Variants in SEC22C observed in about 807,000 individuals in gnomAD.
SEC22C encodes the protein SEC22 homolog C, vesicle trafficking protein, also known as vesicle-trafficking protein SEC22c.
Under a neutral mutation model 34.7 loss-of-function variants are expected in SEC22C, and 29 were observed. The observed-to-expected ratio is 0.84, with a 90% CI of 0.62 to 1.14. The LOEUF is 1.14. SEC22C is among the 50% of genes most tolerant of loss of function. SEC22C has a pLI of 0.00. For missense variants in SEC22C, 337 were observed against 369.0 expected (o/e 0.91, Z 0.71); for synonymous variants, 117 against 132.8 (o/e 0.88, Z 0.82).
intron 2 of SEC22C, 44 bp downstream of exon 2, chr3:42,568,821 C>T (rs758213109): frequency 6.4e-7 from 1 of 1,555,024 alleles, no homozygotes; most frequent in Non-Finnish European, 8.9e-7. Context: ...TAAAAGTAAT[C>T]CAAATTTTGC....
At chr3:42,569,941 A>C (rs1703509173) in intron 1 of SEC22C, among the ~76,000 whole-genome samples, 2 of 152,200 alleles carry the variant, frequency 1.3e-5, no homozygotes, top group South Asian at 4.1e-4. Context: ...TAACCTGTAC[A>C]TCTGTGAGTG....
intron 1 of SEC22C, among the ~76,000 whole-genome samples, chr3:42,587,088 T>C (rs969890409): frequency 6.6e-5 from 10 of 152,236 alleles, no homozygotes; most frequent in Non-Finnish European, 1.0e-4. Context: ...GCTCCCACTA[T>C]CTCTGGCCTG....
At chr3:42,564,907 G>A (rs903385480) in intron 2 of SEC22C, among the ~76,000 whole-genome samples, 23 of 152,112 alleles carry the variant, frequency 1.5e-4, no homozygotes, top group Admixed American at 2.0e-4. Context: ...ACAGGCGTGT[G>A]CCACCACACC....
At chr3:42,568,482 C>T (rs1162367325) in intron 2 of SEC22C, among the ~76,000 whole-genome samples, 1 of 151,920 alleles carries the variant, frequency 6.6e-6, no homozygotes, top group Admixed American at 6.6e-5. Flanking sequence ...CCCATCTCTA[C>T]TAAAAATATA....
At chr3:42,579,262 A>G (rs1704159107) in intron 1 of SEC22C, among the ~76,000 whole-genome samples, 1 of 146,588 alleles carries the variant, frequency 6.8e-6, no homozygotes, top group East Asian at 2.1e-4. Flanking sequence ...GGGCAACAAG[A>G]GCAAAACTCC....
intron 1 of SEC22C, chr3:42,590,687 C>A: frequency 1.6e-6 from 1 of 618,886 alleles, no homozygotes; most frequent in Non-Finnish European, 2.9e-6. Flanking sequence ...CTCCAGACTG[C>A]GCAAGCGCAA....
chr3:42,563,821 A>C (rs753474091), intron 2 of SEC22C, 135 bp from the exon 3 acceptor site: 1 of 1,536,560 alleles, frequency 6.5e-7, no homozygotes, highest in Admixed American at 2.0e-5. Flanking sequence ...CTGCAGGTAT[A>C]TTGTCTCTTC....
rs1483747086 is a variant in SEC22C at position 42,552,589 on chromosome 3, A to G, written c.*659T>C. On this transcript the variant is annotated 3_prime_UTR_variant, in exon 7 of 7. Coordinates refer to ENST00000264454, the MANE Select transcript of SEC22C (RefSeq NM_032970.4). Reference sequence around the variant, plus strand: ...ACCCAAACAGTCCCACCACTATAAAAGGTTACATATAAATTAAATAAACTC... The same window carrying G: ...ACCCAAACAGTCCCACCACTATAAAGGGTTACATATAAATTAAATAAACTC... 2.5e-5 allele frequency: 25 copies of G among 980,878 alleles called. No homozygotes were observed. The highest frequency in any genetic ancestry group is 6.2e-5 in the Admixed American group (1 of 16,256). 60.8% of individuals were successfully genotyped at this position (980,878 alleles called of 1,614,324 possible). A position where few individuals can be genotyped will look rare whatever the true frequency, so the allele number is the denominator to read the frequency against.
Position 42,561,165 on chromosome 3 carries a change from C to A in SEC22C, c.478G>T (p.Val160Leu). 6.2e-7 allele frequency: 1 copy of A among 1,614,200 alleles called. No individual in the cohort carries two copies. The highest frequency in any genetic ancestry group is 2.2e-5 in the East Asian group (1 of 44,880). ...TGACCATTCATCACCCCATTTGCCA[C>A]ATCTGTGTCCTCCAGAGTGAGAACC... ...PAVLTLEDTD[V>L]ANGVMNGHTP... The change falls in exon 4 of 7, where the codon GTG becomes TTG. Residue 160 changes from valine (V) to leucine (L), a missense_variant. Val to Leu is a conservative substitution (Grantham distance 32, BLOSUM62 1). Coordinates refer to ENST00000264454, the MANE Select transcript of SEC22C (RefSeq NM_032970.4).
intron 6 of SEC22C, among the ~76,000 whole-genome samples, chr3:42,555,071 C>A (rs998661672): frequency 2.0e-5 from 3 of 151,956 alleles, no homozygotes; most frequent in Non-Finnish European, 4.4e-5. Flanking sequence ...AGAGGTCGGG[C>A]GTGGTGGCTC....
At chr3:42,561,444 C>T in intron 3 of SEC22C, 148 bp from the exon 4 acceptor site, 7 of 736,600 alleles carry the variant, frequency 9.5e-6, no homozygotes, top group Non-Finnish European at 1.5e-5. Context: ...GGTGCGATCA[C>T]AACTCACTGC....
chr3:42,595,121 G>T (rs1704990960), intron 1 of SEC22C: 1 of 152,282 alleles, frequency 6.6e-6, no homozygotes, highest in Non-Finnish European at 1.5e-5. Flanking sequence ...AAAATGAATA[G>T]TGATTTCTAA....
In SEC22C at chr3:42,549,066, G is replaced by C; in HGVS notation, c.*4182C>G. On this transcript the variant is annotated 3_prime_UTR_variant, in exon 7 of 7. Coordinates refer to ENST00000264454, the MANE Select transcript of SEC22C (RefSeq NM_032970.4). ...TCAGTGAAGAGCCTAGCCAGCTGACGGTCAGCTGACTGGTGCACTCTTTCC... is the reference window on the plus strand; with the variant it reads ...TCAGTGAAGAGCCTAGCCAGCTGACCGTCAGCTGACTGGTGCACTCTTTCC... 1.0e-6 allele frequency: 1 copy of C among 977,374 alleles called. No individual in the cohort carries two copies. 60.5% of individuals were successfully genotyped at this position (977,374 alleles called of 1,614,324 possible).
chr3:42,584,705 C>A (rs1190752683), upstream of SEC22C, among the ~76,000 whole-genome samples: 1 of 152,156 alleles, frequency 6.6e-6, no homozygotes, highest in East Asian at 1.9e-4. Flanking sequence ...GGGATTTATA[C>A]CCTTGTGTAG....
chr3:42,579,192 A>G (rs6782164), intron 1 of SEC22C, among the ~76,000 whole-genome samples: 26,472 of 152,070 alleles, frequency 0.17, 2,817 homozygotes, highest in African/African-American at 0.3. Context: ...CAGGAGAGTC[A>G]CTTGAACCCA....
At chr3:42,570,726 C>T (rs116564146) in intron 1 of SEC22C, among the ~76,000 whole-genome samples, 3,181 of 152,270 alleles carry the variant, frequency 0.021, 128 homozygotes, top group African/African-American at 0.072. Context: ...CAAGGCACCA[C>T]AAAAGGAATC....
Position 42,561,237 on chromosome 3 carries a change from A to G in SEC22C, c.406T>C (p.Cys136Arg), listed in dbSNP as rs1702888294. ...TCCTCCTGAATTTTTTCCAAGCTGC[A>G]CTCCATCTGAGAGGAACTTACATAG... ...FNYVSSSQME[C>R]SLEKIQEELK... Residue 136 changes from cysteine (C) to arginine (R), a missense_variant, in exon 4 of 7, where the codon TGC becomes CGC. By Grantham distance (180) the Cys-to-Arg change is radical (BLOSUM62 -3). Coordinates refer to ENST00000264454, the MANE Select transcript of SEC22C (RefSeq NM_032970.4). 1.2e-6 allele frequency: 2 copies of G among 1,614,036 alleles called. No homozygotes were observed. The highest frequency in any genetic ancestry group is 8.5e-7 in the Non-Finnish European group (1 of 1,180,036).
At chr3:42,588,359 T>C (rs1704693236) in intron 1 of SEC22C, among the ~76,000 whole-genome samples, 1 of 152,100 alleles carries the variant, frequency 6.6e-6, no homozygotes, top group Admixed American at 6.6e-5. Flanking sequence ...GAGCTGAGAT[T>C]GCACCAATGC....
intron 1 of SEC22C, among the ~76,000 whole-genome samples, chr3:42,575,379 T>C (rs1391926317): frequency 6.6e-6 from 1 of 152,238 alleles, no homozygotes; most frequent in Non-Finnish European, 1.5e-5. Flanking sequence ...ATATACTATC[T>C]ACATGAAATT....
Sources: gnomAD v4.1 joint callset for allele counts (sites outside exome capture counted in the v4.1 genomes callset) on GRCh38, gnomAD v4.1.1 for gene constraint, MANE v1.5 for transcripts, NCBI Gene and HGNC (gene_info 2026-07-23, HGNC 2026-07-21) for gene names.